Variants in ZNF121 observed in about 807,000 individuals in gnomAD.
ZNF121 encodes zinc finger protein 121.
A neutral mutation model predicts 2.4 loss-of-function variants in ZNF121; 1 was observed. The ratio of observed to expected loss-of-function variants is 0.41; its 90% CI spans 0.15 to 1.94. ZNF121 has a LOEUF of 1.94. ZNF121 is among the 30% of genes most tolerant of loss of function. The pLI, the probability that ZNF121 is intolerant of heterozygous loss-of-function variation, is 0.30. For synonymous variants in ZNF121, 173 were observed against 158.6 expected (o/e 1.09, Z -0.68); for missense variants, 369 against 466.3 (o/e 0.79, Z 1.92).
intron 2 of ZNF121, among the ~76,000 whole-genome samples, chr19:9,568,518 G>T (rs1003471802): frequency 6.6e-6 from 1 of 151,892 alleles, no homozygotes; most frequent in African/African-American, 2.4e-5. Context: ...TGGATTACAG[G>T]TGCCCACCAC....
intron 1 of ZNF121, among the ~76,000 whole-genome samples, chr19:9,583,489 CTTTT>C (rs1185311747): frequency 1.1e-4 from 6 of 56,398 alleles, no homozygotes; most frequent in Non-Finnish European, 1.7e-4. Flanking sequence ...CCAAGCCTGG[CTTTT>C]TTTTTTTTTT....
chr19:9,580,432 G>A (rs1227929131), intron 1 of ZNF121, among the ~76,000 whole-genome samples: 3 of 149,568 alleles, frequency 2.0e-5, no homozygotes, highest in South Asian at 2.1e-4. Context: ...AACGAGCAAT[G>A]AGCCATGATT....
intron 3 of ZNF121, chr19:9,567,802 A>T: frequency 3.5e-6 from 1 of 287,538 alleles, no homozygotes; most frequent in South Asian, 5.3e-5. Context: ...TTGTGCTTCT[A>T]TGACAATCGA....
chr19:9,567,375 T>G (rs1170602373), intron 3 of ZNF121, among the ~76,000 whole-genome samples: 1 of 152,166 alleles, frequency 6.6e-6, no homozygotes, highest in Non-Finnish European at 1.5e-5. Context: ...ATGTGATAAT[T>G]TGTACTTGTG....
chr19:9,567,271 A>C (rs980654392), intron 3 of ZNF121, among the ~76,000 whole-genome samples, 162 bp from the exon 4 acceptor site: 2 of 152,218 alleles, frequency 1.3e-5, no homozygotes, highest in African/African-American at 4.8e-5. Context: ...GAATGAAGAA[A>C]ACCTACTGGC....
At chr19:9,576,953 C>T (rs746246375) in intron 1 of ZNF121, among the ~76,000 whole-genome samples, 2 of 152,008 alleles carry the variant, frequency 1.3e-5, no homozygotes, top group South Asian at 2.1e-4. Context: ...AGATTGAAGC[C>T]GTAACAAAAT....
chr19:9,582,487 T>C (rs574574695), intron 1 of ZNF121, among the ~76,000 whole-genome samples: 7 of 152,210 alleles, frequency 4.6e-5, no homozygotes, highest in African/African-American at 1.7e-4. Context: ...TTAACTGTAA[T>C]TTTCCACTAT....
chr19:9,584,460 C>G lies in ZNF121; in HGVS notation c.-160+1G>C, dbSNP rs2074271023. 6.6e-6 allele frequency: 1 copy of G among 152,382 alleles called. No homozygotes were observed. The highest frequency in any genetic ancestry group is 1.5e-5 in the Non-Finnish European group (1 of 68,184). 9.4% of individuals were successfully genotyped at this position (152,382 alleles called of 1,614,324 possible). A position where few individuals can be genotyped will look rare whatever the true frequency, so the allele number is the denominator to read the frequency against. On this transcript the variant is annotated splice_donor_variant, in intron 1 of 3. Coordinates refer to ENST00000320451, the MANE Select transcript of ZNF121 (RefSeq NM_001008727.5). LOFTEE classifies it low-confidence loss of function (5UTR_SPLICE). The stretch of plus-strand genomic sequence containing the variant: ...GGGATCCCCAAGCAGGCGGAACTCA[C>G]CACAGCCAGGGTGGACTCCACCACG...
At chr19:9,579,943 G>A (rs1045010907) in intron 1 of ZNF121, among the ~76,000 whole-genome samples, 2 of 151,896 alleles carry the variant, frequency 1.3e-5, no homozygotes, top group African/African-American at 4.8e-5. Flanking sequence ...AACTTTTTTT[G>A]AATTTTCAAA....
chr19:9,568,119 G>A lies in ZNF121; in HGVS notation c.-22C>T. On this transcript the variant is annotated 5_prime_UTR_variant, in exon 3 of 4. Transcript: ENST00000320451. Reference sequence around the variant, plus strand: ...CCATTTGTATGCCGTTTGATGTTTTGTTAAGCCAAAAAAAAATGTTGTTGA... The same window carrying A: ...CCATTTGTATGCCGTTTGATGTTTTATTAAGCCAAAAAAAAATGTTGTTGA... 3.9e-6 allele frequency: 6 copies of A among 1,528,612 alleles called. No individual in the cohort carries two copies. Among genetic ancestry groups the A allele is most frequent in the Non-Finnish European group, 5.3e-6 (6 of 1,124,120 alleles). 94.7% of individuals were successfully genotyped at this position (1,528,612 alleles called of 1,614,324 possible). A position where few individuals can be genotyped will look rare whatever the true frequency, so the allele number is the denominator to read the frequency against.
intron 1 of ZNF121, among the ~76,000 whole-genome samples, chr19:9,578,843 A>G (rs1169489465): frequency 6.6e-6 from 1 of 152,188 alleles, no homozygotes; most frequent in Non-Finnish European, 1.5e-5. Context: ...ATGAGATTAC[A>G]TCAAACTAAA....
intron 2 of ZNF121, 110 bp from the exon 3 acceptor site, chr19:9,568,285 C>CAA: frequency 2.1e-6 from 1 of 480,600 alleles, no homozygotes; most frequent in East Asian, 3.2e-5. Context: ...TCAGCACACT[C>CAA]AAAAAAATTA....
At chr19:9,584,083 C>T (rs2074268158) in intron 1 of ZNF121, 6 of 152,228 alleles carry the variant, frequency 3.9e-5, no homozygotes, top group Admixed American at 3.9e-4. Context: ...TCACCAGGAA[C>T]ATGCCGGAAA....
Position 9,581,493 on chromosome 19 carries a change from T to G in ZNF121, c.-160+2968A>C, listed in dbSNP as rs1326182302. ...TAAGGAAAGGTATGTGAGCTGGTAC[T>G]GATAACGCTTTGTACTGTGGCATGC... On this transcript the variant is annotated intron_variant, in intron 1 of 3. Coordinates refer to ENST00000320451, the MANE Select transcript of ZNF121 (RefSeq NM_001008727.5). Among the ~76,000 whole-genome samples the G allele has an allele frequency of 2.0e-5, 3 of 152,004 alleles. No individual in the cohort carries two copies. The East Asian group carries it at 5.8e-4, about 29-fold the overall frequency.
At chr19:9,581,882 A>AT (rs1056986539) in intron 1 of ZNF121, among the ~76,000 whole-genome samples, 3 of 152,110 alleles carry the variant, frequency 2.0e-5, no homozygotes, top group African/African-American at 4.8e-5. Flanking sequence ...TGACAGTGCT[A>AT]TTTTTTTAGG....
At position 9,561,007 on chromosome 19, in the gene ZNF121, C is replaced by G. The variant is rs1188643687; in HGVS notation, c.*4933G>C. ...GCTTATATTTTAATCTAGGATTGAG[C>G]ACGTGCTATTTTTGCAAGTGATGAA... is the stretch of plus-strand genomic sequence containing the variant. On this transcript the variant is annotated 3_prime_UTR_variant, in exon 4 of 4. Coordinates refer to ENST00000320451, the MANE Select transcript of ZNF121 (RefSeq NM_001008727.5). 6.6e-6 allele frequency: 1 copy of G among 152,136 alleles called. No individual in the cohort carries two copies. The highest frequency in any genetic ancestry group is 2.4e-5 in the African/African-American group (1 of 41,428). 9.4% of individuals were successfully genotyped at this position (152,136 alleles called of 1,614,324 possible).
At chr19:9,576,463 C>A (rs185751883) in intron 1 of ZNF121, among the ~76,000 whole-genome samples, 7 of 151,924 alleles carry the variant, frequency 4.6e-5, no homozygotes, top group Non-Finnish European at 1.0e-4. Flanking sequence ...CTACAACATA[C>A]CAAAATCTAT....
At chr19:9,574,214 C>T (rs57621988) in intron 1 of ZNF121, among the ~76,000 whole-genome samples, 4,888 of 152,088 alleles carry the variant, frequency 0.032, 274 homozygotes, top group African/African-American at 0.11. Flanking sequence ...GGCGCGATCT[C>T]GGCTCACTGC....
intron 1 of ZNF121, among the ~76,000 whole-genome samples, chr19:9,581,633 T>C (rs985004038): frequency 1.5e-4 from 23 of 152,164 alleles, no homozygotes; most frequent in African/African-American, 5.6e-4. Context: ...CATATCCTCA[T>C]ATCCCACAGT....
Sources: gnomAD v4.1 joint callset for allele counts (sites outside exome capture counted in the v4.1 genomes callset) on GRCh38, gnomAD v4.1.1 for gene constraint, MANE v1.5 for transcripts, NCBI Gene and HGNC (gene_info 2026-07-23, HGNC 2026-07-21) for gene names.